The following HELQ variants were observed in gnomAD, a reference collection of about 807,000 sequenced individuals.
The protein encoded by HELQ is helicase, POLQ like.
In HELQ, 77 loss-of-function variants were observed where a neutral mutation model predicts 111.6. The observed-to-expected ratio is 0.69, with a 90% confidence interval of 0.57 to 0.83. The LOEUF (loss-of-function observed/expected upper bound fraction) is 0.83, where lower values mean the gene tolerates loss of function less well. HELQ is among the 40% of genes least tolerant of loss of function. HELQ has a pLI of 0.00. For synonymous variants in HELQ, 438 were observed against 454.7 expected, an observed-to-expected ratio of 0.96 and a Z score of 0.47; for missense variants, 1,200 against 1,288.5, an observed-to-expected ratio of 0.93 and a Z score of 1.05.
At chr4:83,426,171 C>A in intron 13 of HELQ, 79 bp from the exon 14 acceptor site, 1 of 739,454 alleles carries the variant, frequency 1.4e-6, no homozygotes, top group Non-Finnish European at 2.4e-6. Flanking sequence ...CTTTTGATAT[C>A]ACATTCTCAT....
At chr4:83,408,678 TG>T (rs1316504073) in intron 17 of HELQ, among the ~76,000 whole-genome samples, 1 of 151,882 alleles carries the variant, frequency 6.6e-6, no homozygotes, top group Non-Finnish European at 1.5e-5. Context: ...CCTCCCAAAG[TG>T]CTGGGATTAT....
chr4:83,441,346 C>T lies in HELQ; in HGVS notation c.1621G>A (p.Ala541Thr). Residue 541 changes from alanine (A) to threonine (T), a missense_variant, in exon 7 of 18, where the codon GCT (alanine) becomes ACT (threonine). By Grantham distance (58) the Ala-to-Thr change is moderately conservative. This residue lies in a region of HELQ where 585 missense variants were observed against 665.3 expected (regional missense o/e 0.88). Coordinates refer to ENST00000295488, the MANE Select transcript of HELQ (RefSeq NM_133636.5). ...CGTGAAAAAGTCATGCCATTCTCAG[C>T]TTTGCTGTCAACTTCATATATTGTA... ...NDTIYEVDSK[A>T]ENGMTFSRLL... is the part of the protein sequence containing the mutation. The T allele has an allele frequency of 6.3e-7, 1 of 1,596,612 alleles. No individual in the cohort carries two copies. Among genetic ancestry groups the T allele is most frequent in the Non-Finnish European group, 8.6e-7 (1 of 1,167,048 alleles).
intron 14 of HELQ, among the ~76,000 whole-genome samples, chr4:83,424,900 C>T (rs967927591): frequency 6.6e-6 from 1 of 152,058 alleles, no homozygotes; most frequent in African/African-American, 2.4e-5. Context: ...GACACTGCAC[C>T]ATCAATTTAA....
In HELQ at chr4:83,418,170, C is replaced by T; in HGVS notation, c.2986G>A (p.Val996Ile). The change falls in exon 16 of 18, where the codon GTA becomes ATA. Residue 996 changes from valine to isoleucine, a missense_variant. By Grantham distance (29) the Val-to-Ile change is conservative. This residue lies in a region of HELQ where 585 missense variants were observed against 665.3 expected (regional missense o/e 0.88). Coordinates refer to ENST00000295488, the MANE Select transcript of HELQ (RefSeq NM_133636.5). Reference protein sequence around the residue: ...EEFWVYRALLVELTKKLTYCV... With the variant: ...EEFWVYRALLIELTKKLTYCV... Reference sequence around the variant, plus strand: ...TAAGTCAGCTTCTTGGTAAGTTCTACCAAAAGGGCTCTGTAAACCCAAAAC... The same window carrying T: ...TAAGTCAGCTTCTTGGTAAGTTCTATCAAAAGGGCTCTGTAAACCCAAAAC... 5 of 1,607,960 alleles carry T rather than the reference C, an allele frequency of 3.1e-6. No homozygotes were observed. Among genetic ancestry groups the T allele is most frequent in the Non-Finnish European group, 4.2e-6 (5 of 1,176,664 alleles).
At chr4:83,420,781 A>G (rs929887226) in intron 15 of HELQ, among the ~76,000 whole-genome samples, 1 of 151,946 alleles carries the variant, frequency 6.6e-6, no homozygotes, top group South Asian at 2.1e-4. Context: ...TCAAAAAAAC[A>G]AAAAAAATTA....
chr4:83,449,291 G>T (rs191345416), intron 2 of HELQ, among the ~76,000 whole-genome samples: 203 of 152,270 alleles, frequency 1.3e-3, no homozygotes, highest in Admixed American at 4.6e-3. Context: ...GACAGTACAA[G>T]GACCTGTGTG....
At chr4:83,412,062 C>A (rs1739134315) in intron 17 of HELQ, among the ~76,000 whole-genome samples, 1 of 152,168 alleles carries the variant, frequency 6.6e-6, no homozygotes, top group Non-Finnish European at 1.5e-5. Context: ...AATGAGAGAA[C>A]CCAAAGCCAA....
chr4:83,425,013 G>C (rs1180940400), intron 14 of HELQ, among the ~76,000 whole-genome samples: 1 of 151,970 alleles, frequency 6.6e-6, no homozygotes, highest in African/African-American at 2.4e-5. Flanking sequence ...CCCAACCTGA[G>C]AGCCACCTGT....
chr4:83,451,659 G>A (rs537843867), intron 2 of HELQ, among the ~76,000 whole-genome samples: 1 of 147,388 alleles, frequency 6.8e-6, no homozygotes, highest in South Asian at 2.1e-4. Flanking sequence ...GCGAGACTCC[G>A]TCTCAAAAAA....
chr4:83,453,842 G>A lies in HELQ; in HGVS notation c.401C>T (p.Pro134Leu), dbSNP rs763042695. 8 of 1,613,842 alleles carry A rather than the reference G, an allele frequency of 5.0e-6. No individual in the cohort carries two copies. The highest frequency in any genetic ancestry group is 4.0e-5 in the African/African-American group (3 of 74,880). The change falls in exon 2 of 18, where the codon CCT (proline) becomes CTT (leucine). Residue 134 changes from proline (P) to leucine (L), a missense_variant. Pro to Leu is a moderately conservative substitution (Grantham distance 98). Transcript: ENST00000295488. ...GTCTGTAGCATGTTTCTTATGTTCA[G>A]GGAGTTGCATATATTTTTGTTCCAG... The part of the protein sequence containing the change: ...DDLEQKYMQL[P>L]EHKKHATDFA...
At chr4:83,423,895 G>A (rs1236361003) in intron 14 of HELQ, among the ~76,000 whole-genome samples, 17 of 151,828 alleles carry the variant, frequency 1.1e-4, no homozygotes, top group Admixed American at 1.1e-3. Context: ...TGGAGCCTGG[G>A]CGACAAGAGC....
At chr4:83,438,501 G>A (rs1192137909) in intron 8 of HELQ, among the ~76,000 whole-genome samples, 4 of 152,154 alleles carry the variant, frequency 2.6e-5, no homozygotes, top group African/African-American at 4.8e-5. Flanking sequence ...AGCACTTTGG[G>A]AGGCTATGGG....
chr4:83,454,066 T>C (rs1049857847), intron 1 of HELQ, 121 bp from the exon 2 acceptor site: 15 of 678,088 alleles, frequency 2.2e-5, no homozygotes, highest in Middle Eastern at 2.5e-4. Flanking sequence ...TAGCCGGGCA[T>C]AGTGGCATGC....
intron 11 of HELQ, among the ~76,000 whole-genome samples, chr4:83,430,701 G>T (rs1720097030): frequency 6.6e-6 from 1 of 152,100 alleles, no homozygotes. Flanking sequence ...ATATAATGGA[G>T]CACAGACATT....
chr4:83,446,424 A>G (rs1276233649), intron 4 of HELQ, among the ~76,000 whole-genome samples: 1 of 152,060 alleles, frequency 6.6e-6, no homozygotes, highest in Non-Finnish European at 1.5e-5. Flanking sequence ...CTCCTGCCTC[A>G]GCCTCCCGAG....
At position 83,441,335 on chromosome 4, in the gene HELQ, G is replaced by C. The variant is rs540031756; in HGVS notation, c.1632C>G (p.Gly544=). The stretch of plus-strand genomic sequence containing the variant: ...AATTAAGAAGACGTGAAAAAGTCAT[G>C]CCATTCTCAGCTTTGCTGTCAACTT... The part of the protein sequence containing the change: ...IYEVDSKAEN[G]MTFSRLLNYK... Residue 544 remains glycine, a synonymous_variant, in exon 7 of 18, where the codon GGC becomes GGG. Transcript: ENST00000295488. The C allele has an allele frequency of 6.3e-6, 10 of 1,592,278 alleles. No homozygotes were observed. The African/African-American group carries it at 8.1e-5, about 13-fold the overall frequency.
In HELQ at chr4:83,441,298, A is replaced by G. The variant is rs74573079; in HGVS notation, c.1662+7T>C. The G allele has an allele frequency of 4.6e-3, 6,874 of 1,501,138 alleles. 256 individuals carry two copies. The African/African-American group carries it at 0.083, about 18-fold the overall frequency. 93.0% of individuals were successfully genotyped at this position (1,501,138 alleles called of 1,614,324 possible). A position where few individuals can be genotyped will look rare whatever the true frequency, so the allele number is the denominator to read the frequency against. On this transcript the variant is annotated splice_region_variant and intron_variant, in intron 7 of 17. Transcript: ENST00000295488. ...GTAACCTGGAATTTAAATGTTATCAATGTTACCTTATAATTAAGAAGACGT... is the reference window on the plus strand; with the variant it reads ...GTAACCTGGAATTTAAATGTTATCAGTGTTACCTTATAATTAAGAAGACGT...
chr4:83,425,946 A>C, intron 14 of HELQ, 48 bp downstream of exon 14: 1 of 955,882 alleles, frequency 1.0e-6, no homozygotes, highest in East Asian at 2.4e-5. Context: ...TGAGTGAACT[A>C]AGTGTTGAGT....
chr4:83,442,536 A>G (rs1337014194), intron 6 of HELQ, among the ~76,000 whole-genome samples: 2 of 150,684 alleles, frequency 1.3e-5, no homozygotes, highest in East Asian at 3.9e-4. Flanking sequence ...CTCAGCCTCC[A>G]GAGTAGCTGG....
Sources: allele counts gnomAD v4.1 joint callset (sites outside exome capture counted in the v4.1 genomes callset), GRCh38; gene constraint gnomAD v4.1.1; regional missense constraint gnomAD v4.1.1; transcripts MANE v1.5; gene names NCBI Gene and HGNC (gene_info 2026-07-23, HGNC 2026-07-21).